Variants in PRDM15 observed in about 807,000 individuals in gnomAD.
PRDM15 encodes PR domain zinc finger protein 15.
In PRDM15, 64 loss-of-function variants were observed where a neutral mutation model predicts 128.6. That is an observed-to-expected ratio of 0.50 (90% CI 0.41 to 0.61). The LOEUF (loss-of-function observed/expected upper bound fraction) is 0.61. Ranked by LOEUF, PRDM15 falls within the 20% of genes least tolerant of loss-of-function variation. The probability of loss-of-function intolerance (pLI) is 0.00; values close to 1 mark genes in which losing one functional copy is unlikely to be tolerated. For missense variants in PRDM15, 1,242 were observed against 1,569.1 expected (o/e 0.79, Z 3.52); for synonymous variants, 615 against 621.8 (o/e 0.99, Z 0.16).
intron 5 of PRDM15, among the ~76,000 whole-genome samples, chr21:41,849,763 C>T (rs1287332319): frequency 6.6e-6 from 1 of 151,998 alleles, no homozygotes; most frequent in African/African-American, 2.4e-5. Context: ...ATGGCAAAAC[C>T]CCATCTCTAC....
intron 12 of PRDM15, among the ~76,000 whole-genome samples, chr21:41,827,909 C>T (rs2062524721): frequency 1.3e-5 from 2 of 152,170 alleles, no homozygotes; most frequent in South Asian, 4.1e-4. Flanking sequence ...GCTCCTTCCC[C>T]AGTGTGGAAC....
At chr21:41,874,500 T>C (rs1441985719) in intron 1 of PRDM15, among the ~76,000 whole-genome samples, 1 of 103,690 alleles carries the variant, frequency 9.6e-6, no homozygotes, top group Non-Finnish European at 1.9e-5. Flanking sequence ...CTAAGCAGCA[T>C]GCATATATAT....
At chr21:41,857,856 C>T (rs923128773) in intron 3 of PRDM15, among the ~76,000 whole-genome samples, 2 of 152,228 alleles carry the variant, frequency 1.3e-5, no homozygotes, top group African/African-American at 2.4e-5. Context: ...TGGCAAACTA[C>T]CCATAATCTT....
At chr21:41,837,838 C>T in intron 8 of PRDM15, 96 bp downstream of exon 8, 1 of 1,390,926 alleles carries the variant, frequency 7.2e-7, no homozygotes, top group Non-Finnish European at 1.0e-6. Context: ...TTCCCTGGGG[C>T]TTTCCTGCTG....
chr21:41,808,841 A>C (rs2061763772), intron 21 of PRDM15, among the ~76,000 whole-genome samples: 1 of 152,216 alleles, frequency 6.6e-6, no homozygotes, highest in East Asian at 1.9e-4. Context: ...TCACTAATTG[A>C]ATCACGTTCT....
intron 18 of PRDM15, among the ~76,000 whole-genome samples, chr21:41,817,105 A>G (rs538125373): frequency 9.2e-5 from 14 of 152,330 alleles, no homozygotes; most frequent in Non-Finnish European, 1.6e-4. Context: ...TCCATTTAAC[A>G]AAGAAAATCT....
chr21:41,859,047 G>C lies in PRDM15; in HGVS notation c.131+545C>G. 1.3e-6 allele frequency: 2 copies of C among 1,562,990 alleles called. No individual in the cohort carries two copies. The highest frequency in any genetic ancestry group is 1.7e-6 in the Non-Finnish European group (2 of 1,153,900). On this transcript the variant is annotated intron_variant, in intron 3 of 23. Transcript: ENST00000398548. This position sits in a 1 kb window ranked among gnomAD's most constrained non-coding sequence, Gnocchi z 5.3. ...CAAGCTCACCTGCCCTGGGCCACCA[G>C]GTGGCACAGCCTCCCCCAGGTGAGG... is the stretch of plus-strand genomic sequence containing the variant.
chr21:41,855,275 C>T (rs947237073), intron 4 of PRDM15, among the ~76,000 whole-genome samples: 3 of 152,206 alleles, frequency 2.0e-5, no homozygotes, highest in Non-Finnish European at 2.9e-5. Context: ...ACTCCCAGCT[C>T]CGCCACAGGG....
chr21:41,834,672 G>A, intron 11 of PRDM15: 1 of 852,750 alleles, frequency 1.2e-6, no homozygotes, highest in Non-Finnish European at 1.9e-6. Flanking sequence ...AATGGGGAAG[G>A]TGTGACTCCC....
At chr21:41,823,243 T>C (rs2062348155) in intron 14 of PRDM15, 75 bp downstream of exon 14, 1 of 1,563,336 alleles carries the variant, frequency 6.4e-7, no homozygotes. Flanking sequence ...AACTCTGCTA[T>C]GGCTGACTGT....
At chr21:41,849,862 G>T (rs1257485657) in intron 5 of PRDM15, among the ~76,000 whole-genome samples, 1 of 152,216 alleles carries the variant, frequency 6.6e-6, no homozygotes, top group East Asian at 1.9e-4. Context: ...GCTTGAACCG[G>T]GAGGTAGAGG....
At chr21:41,801,830 C>A in intron 23 of PRDM15, 108 bp from the exon 24 acceptor site, 1 of 1,255,272 alleles carries the variant, frequency 8.0e-7, no homozygotes, top group South Asian at 1.5e-5. Flanking sequence ...GCACGACATT[C>A]TTTGGTGAAA....
At position 41,879,254 on chromosome 21, in the gene PRDM15, G is replaced by C. The variant is rs773714690; in HGVS notation, c.-10+16C>G. 2 of 973,308 alleles carry C rather than the reference G, an allele frequency of 2.1e-6. No individual in the cohort carries two copies. The highest frequency in any genetic ancestry group is 1.9e-4 in the East Asian group (2 of 10,514). 60.3% of individuals were successfully genotyped at this position (973,308 alleles called of 1,614,324 possible). On this transcript the variant is annotated intron_variant, in intron 1 of 23. Transcript: ENST00000398548. This position sits in a 1 kb window ranked among gnomAD's most constrained non-coding sequence, Gnocchi z 5.1. Reference sequence around the variant, plus strand: ...CACGCCGGGGCGGGCGGCGGGCGCAGGGCCCGGAGCTTTACCTGCCTTTGG... The same window carrying C: ...CACGCCGGGGCGGGCGGCGGGCGCACGGCCCGGAGCTTTACCTGCCTTTGG...
chr21:41,864,602 C>T (rs1402589437), intron 1 of PRDM15, among the ~76,000 whole-genome samples: 2 of 152,002 alleles, frequency 1.3e-5, no homozygotes, highest in South Asian at 2.1e-4. Context: ...CTCTGACACC[C>T]GCCCATCACC....
At chr21:41,806,436 C>G (rs1386098387) in intron 21 of PRDM15, among the ~76,000 whole-genome samples, 1 of 33,064 alleles carries the variant, frequency 3.0e-5, no homozygotes, top group African/African-American at 1.1e-4. Context: ...ATCACCACCA[C>G]CACCATCACC....
At chr21:41,835,546 G>A (rs756368634) in intron 10 of PRDM15, 22 bp from the exon 11 acceptor site, 3 of 1,596,360 alleles carry the variant, frequency 1.9e-6, no homozygotes, top group Non-Finnish European at 2.6e-6. Flanking sequence ...GACACGCCGT[G>A]AGTGAGATGG....
chr21:41,806,021 CCACCACCACCAT>C (rs1568879798), intron 21 of PRDM15, among the ~76,000 whole-genome samples: 34 of 26,126 alleles, frequency 1.3e-3, no homozygotes, highest in East Asian at 2.5e-3. Flanking sequence ...ACCACCATCA[CCACCACCACCAT>C]CACCACCACC....
At chr21:41,816,368 G>A (rs572286115) in intron 18 of PRDM15, among the ~76,000 whole-genome samples, 1 of 152,210 alleles carries the variant, frequency 6.6e-6, no homozygotes, top group Non-Finnish European at 1.5e-5. Context: ...GTGGTGCGCT[G>A]GCAGGGACAG....
intron 23 of PRDM15, 68 bp from the exon 24 acceptor site, chr21:41,801,790 G>A (rs2061424765): frequency 6.5e-7 from 1 of 1,529,686 alleles, no homozygotes; most frequent in South Asian, 1.2e-5. Context: ...GACCTCCCCA[G>A]GATGCGCTCT....
Sources: gnomAD v4.1 joint callset for allele counts (sites outside exome capture counted in the v4.1 genomes callset) on GRCh38, gnomAD v4.1.1 for gene constraint, Gnocchi (gnomAD v3.1) non-coding constraint, MANE v1.5 for transcripts, NCBI Gene and HGNC (gene_info 2026-07-23, HGNC 2026-07-21) for gene names.